SRRM4: variants seen among roughly 807,000 people sequenced by gnomAD.
SRRM4 encodes serine/arginine repetitive matrix protein 4.
In SRRM4, 33 loss-of-function variants were observed where a neutral mutation model predicts 68.9. That is an observed-to-expected ratio of 0.48 (90% CI 0.36 to 0.64). SRRM4 has a LOEUF of 0.64. Ranked by LOEUF, SRRM4 falls within the 30% of genes least tolerant of loss-of-function variation. The pLI, the probability that SRRM4 is intolerant of heterozygous loss-of-function variation, is 0.00. For missense variants in SRRM4, 817 were observed against 827.1 expected (o/e 0.99, Z 0.15); for synonymous variants, 318 against 318.8 (o/e 1.00, Z 0.03).
At chr12:119,144,163 C>T (rs958593570) in intron 8 of SRRM4, among the ~76,000 whole-genome samples, 2 of 152,104 alleles carry the variant, frequency 1.3e-5, no homozygotes, top group Non-Finnish European at 2.9e-5. Flanking sequence ...CACCCCAAAG[C>T]CCAATTTCCA....
chr12:119,087,242 G>C (rs1409435754), intron 1 of SRRM4, among the ~76,000 whole-genome samples: 1 of 152,208 alleles, frequency 6.6e-6, no homozygotes, highest in South Asian at 2.1e-4. Flanking sequence ...ACTTAGAACA[G>C]TACCCAGCAC....
At chr12:119,111,841 C>T (rs545237392) in intron 2 of SRRM4, among the ~76,000 whole-genome samples, 13 of 152,168 alleles carry the variant, frequency 8.5e-5, no homozygotes, top group South Asian at 2.1e-4. Flanking sequence ...GTCAGGAGTT[C>T]GAGACCAGCC....
intron 8 of SRRM4, among the ~76,000 whole-genome samples, chr12:119,140,892 C>T (rs553799196): frequency 3.9e-5 from 6 of 152,296 alleles, no homozygotes; most frequent in Non-Finnish European, 8.8e-5. Flanking sequence ...TCTTCTAAGA[C>T]CTTCTGTTCA....
chr12:119,006,562 A>G (rs1369200906), intron 1 of SRRM4, among the ~76,000 whole-genome samples: 2 of 152,144 alleles, frequency 1.3e-5, no homozygotes, highest in Non-Finnish European at 2.9e-5. Context: ...TGGGTTCTGC[A>G]ATATGGGATC....
At chr12:119,134,561 T>C (rs955517133) in intron 8 of SRRM4, among the ~76,000 whole-genome samples, 4 of 152,174 alleles carry the variant, frequency 2.6e-5, no homozygotes, top group African/African-American at 2.4e-5. Flanking sequence ...AATACTTTCA[T>C]GCCAGTTGGT....
chr12:119,155,249 T>G (rs1954464877), intron 12 of SRRM4, among the ~76,000 whole-genome samples: 1 of 152,208 alleles, frequency 6.6e-6, no homozygotes, highest in Admixed American at 6.5e-5. Context: ...TTCTCAGGCC[T>G]TGAAAGCTGG....
rs201423492 is a variant in SRRM4 at position 119,125,424 on chromosome 12, C to G, written c.559C>G (p.Arg187Gly). ...PRKSHRHRHH[R>G]CPSRSQSSES... ...AAAGTCTCACCGCCACCGCCATCAC[C>G]GCTGCCCCTCGCGGTCCCAGAGCTC... is the stretch of plus-strand genomic sequence containing the variant. Residue 187 changes from arginine to glycine, a missense_variant, in exon 7 of 13, where the codon CGC becomes GGC. Arg to Gly is a moderately radical substitution (Grantham distance 125, BLOSUM62 -2). Coordinates refer to ENST00000267260, the MANE Select transcript of SRRM4 (RefSeq NM_194286.4). The G allele has an allele frequency of 9.9e-6, 16 of 1,613,706 alleles. No homozygotes were observed. Among genetic ancestry groups the G allele is most frequent in the South Asian group, 9.9e-5 (9 of 91,018 alleles).
At chr12:118,984,500 C>A (rs902424986) in intron 1 of SRRM4, among the ~76,000 whole-genome samples, 2 of 152,132 alleles carry the variant, frequency 1.3e-5, no homozygotes, top group Non-Finnish European at 2.9e-5. Context: ...GTGGAGGAAC[C>A]ACTAGTCAGT....
intron 1 of SRRM4, among the ~76,000 whole-genome samples, chr12:119,063,052 T>C (rs73408029): frequency 0.015 from 2,312 of 152,372 alleles, 61 homozygotes; most frequent in African/African-American, 0.051. Flanking sequence ...ATCATTATCA[T>C]CTCAGCCATT....
intron 4 of SRRM4, among the ~76,000 whole-genome samples, chr12:119,119,023 G>A (rs1459462827): frequency 1.3e-5 from 2 of 151,026 alleles, no homozygotes; most frequent in Admixed American, 6.6e-5. Flanking sequence ...TTTGGAGATG[G>A]GACCTAGGGG....
chr12:119,148,976 C>G lies in SRRM4; in HGVS notation c.1077-2041C>G, dbSNP rs920280459. Among the ~76,000 whole-genome samples the G allele has an allele frequency of 1.8e-4, 27 of 152,094 alleles. 1 individual carries two copies. Among genetic ancestry groups the G allele is most frequent in the African/African-American group, 6.5e-4 (27 of 41,412 alleles). ...GAGGGGTGGGGACTCTGGAGCTGCA[C>G]AGATCAAGGTTTGGGGCTCTGGGTG... On this transcript the variant is annotated intron_variant, in intron 9 of 12. Coordinates refer to ENST00000267260, the MANE Select transcript of SRRM4 (RefSeq NM_194286.4).
intron 1 of SRRM4, among the ~76,000 whole-genome samples, chr12:119,003,763 T>C (rs889273900): frequency 6.6e-6 from 1 of 152,042 alleles, no homozygotes; most frequent in African/African-American, 2.4e-5. Context: ...TCCACCTTCA[T>C]ATCTCAGTGA....
intron 7 of SRRM4, among the ~76,000 whole-genome samples, chr12:119,127,197 C>T (rs1954266954): frequency 6.6e-6 from 1 of 151,702 alleles, no homozygotes; most frequent in Non-Finnish European, 1.5e-5. Flanking sequence ...TACCCTAAAA[C>T]TTAAAGTATA....
chr12:119,099,385 C>T (rs111486768), intron 1 of SRRM4, among the ~76,000 whole-genome samples: 12,012 of 152,176 alleles, frequency 0.079, 531 homozygotes, highest in African/African-American at 0.1. Flanking sequence ...CCACTTGCCT[C>T]GGCCTCCCGA....
rs1954292851 is a variant in SRRM4, at chr12:119,130,803, A to G, written c.740A>G (p.Gln247Arg). 6.2e-7 allele frequency: 1 copy of G among 1,607,332 alleles called. No homozygotes were observed. The highest frequency in any genetic ancestry group is 1.1e-5 in the South Asian group (1 of 90,892). The change falls in exon 8 of 13, where the codon CAG becomes CGG. Residue 247 changes from glutamine to arginine, a missense_variant. Transcript: ENST00000267260. ...AGTCGCCCGCCCAGTCAACCCCTCC[A>G]GATGCTTGGCTACCTGTCAGCCAGG... Reference protein sequence around the residue: ...QSSRPPSQPLQMLGYLSARGV... With the variant: ...QSSRPPSQPLRMLGYLSARGV...
chr12:119,067,153 T>C (rs1475784362), intron 1 of SRRM4, among the ~76,000 whole-genome samples: 1 of 151,980 alleles, frequency 6.6e-6, no homozygotes. Context: ...TTCCTTCATT[T>C]TTTTTTTTGG....
intron 1 of SRRM4, among the ~76,000 whole-genome samples, chr12:119,010,102 G>T (rs1953439607): frequency 6.6e-6 from 1 of 152,162 alleles, no homozygotes; most frequent in Admixed American, 6.5e-5. Flanking sequence ...ACCCAGGCTG[G>T]AGTGCAATGG....
At chr12:119,010,275 A>G (rs1303674372) in intron 1 of SRRM4, among the ~76,000 whole-genome samples, 1 of 151,830 alleles carries the variant, frequency 6.6e-6, no homozygotes, top group Non-Finnish European at 1.5e-5. Context: ...CTCGTTGTGA[A>G]CTCCTGGCCT....
At chr12:119,099,186 G>A (rs1486275640) in intron 1 of SRRM4, among the ~76,000 whole-genome samples, 1 of 152,124 alleles carries the variant, frequency 6.6e-6, no homozygotes, top group Non-Finnish European at 1.5e-5. Flanking sequence ...ACAGGCTGGA[G>A]TGCAGTGGCA....
Sources: allele counts gnomAD v4.1 joint callset (sites outside exome capture counted in the v4.1 genomes callset), GRCh38; gene constraint gnomAD v4.1.1; transcripts MANE v1.5; gene names NCBI Gene and HGNC (gene_info 2026-07-23, HGNC 2026-07-21).